The following PTPRE variants were observed in gnomAD, a reference collection of about 807,000 sequenced individuals.
The protein encoded by PTPRE is protein tyrosine phosphatase receptor type E, also known as receptor-type tyrosine-protein phosphatase epsilon.
A neutral mutation model predicts 102.0 loss-of-function variants in PTPRE; 51 were observed. That is an observed-to-expected ratio of 0.50 (90% CI 0.40 to 0.63). The LOEUF (loss-of-function observed/expected upper bound fraction) is 0.63. Among genes scored for constraint, PTPRE ranks in the 30% least tolerant of loss-of-function variants. PTPRE has a pLI of 0.00. For missense variants in PTPRE, 752 were observed against 915.1 expected (o/e 0.82, Z 2.30); for synonymous variants, 345 against 348.2 (o/e 0.99, Z 0.10).
intron 1 of PTPRE, among the ~76,000 whole-genome samples, chr10:127,962,655 G>A (rs1017008887): frequency 2.0e-5 from 3 of 152,224 alleles, no homozygotes; most frequent in South Asian, 2.1e-4. Flanking sequence ...AGTCTAAGCC[G>A]GAGGCCCTCA....
intron 1 of PTPRE, among the ~76,000 whole-genome samples, chr10:127,939,485 C>T (rs561218836): frequency 8.5e-5 from 13 of 152,306 alleles, no homozygotes; most frequent in African/African-American, 3.1e-4. Context: ...ACACAGGATT[C>T]TTCACTGTCG....
At chr10:127,909,585 C>A (rs1438631280) in intron 1 of PTPRE, among the ~76,000 whole-genome samples, 1 of 152,158 alleles carries the variant, frequency 6.6e-6, no homozygotes, top group East Asian at 1.9e-4. Flanking sequence ...TGTGATCTCC[C>A]CTCCCCTTCC....
At position 128,073,461 on chromosome 10, in the gene PTPRE, A is replaced by G. The variant is rs759415692; in HGVS notation, c.1589A>G (p.Glu530Gly). ...HTIVMLTEVQ[E>G]REQDKCYQYW... is the part of the protein sequence containing the mutation. ...ATCGTGATGCTGACGGAGGTGCAGG[A>G]GAGAGAGCAGGTGAGGAGTGCCGCC... The change falls in exon 17 of 21, where the codon GAG becomes GGG. Residue 530 changes from glutamate (E) to glycine (G), a missense_variant. Around this residue, in one of 2 missense-constraint regions of PTPRE, gnomAD observed 636 missense variants for 824.4 expected, o/e 0.77. Transcript: ENST00000254667. The G allele has an allele frequency of 1.2e-6, 2 of 1,613,830 alleles. No homozygotes were observed. The highest frequency in any genetic ancestry group is 1.7e-6 in the Non-Finnish European group (2 of 1,179,902).
intron 2 of PTPRE, chr10:127,999,477 C>T (rs1853648504): frequency 1.1e-6 from 1 of 945,226 alleles, no homozygotes. Flanking sequence ...TCCAACTCGT[C>T]CTGGGAGCAG....
At chr10:128,031,764 A>G (rs1846776799) in intron 2 of PTPRE, among the ~76,000 whole-genome samples, 1 of 152,186 alleles carries the variant, frequency 6.6e-6, no homozygotes, top group Non-Finnish European at 1.5e-5. Context: ...AGACTGAGTA[A>G]GGGGAGAATC....
chr10:128,042,243 C>A (rs1847757378), intron 3 of PTPRE, among the ~76,000 whole-genome samples: 1 of 152,176 alleles, frequency 6.6e-6, no homozygotes, highest in African/African-American at 2.4e-5. Flanking sequence ...CATCCAGGAG[C>A]CACAATGGCA....
intron 1 of PTPRE, among the ~76,000 whole-genome samples, chr10:127,941,253 G>GCC (rs1319933202): frequency 6.6e-6 from 1 of 152,220 alleles, no homozygotes; most frequent in Non-Finnish European, 1.5e-5. Context: ...CTTCCCCTCT[G>GCC]CCTACTCCTT....
At chr10:128,036,974 T>C (rs1362145143) in intron 2 of PTPRE, among the ~76,000 whole-genome samples, 1 of 152,200 alleles carries the variant, frequency 6.6e-6, no homozygotes, top group Non-Finnish European at 1.5e-5. Context: ...AGGGCTCCCT[T>C]TGGAAACTTT....
chr10:127,921,011 T>C (rs1353060202), intron 1 of PTPRE, among the ~76,000 whole-genome samples: 1 of 152,212 alleles, frequency 6.6e-6, no homozygotes, highest in Non-Finnish European at 1.5e-5. Flanking sequence ...GCTTCCTCGG[T>C]GTCTGGGGCT....
chr10:127,987,447 G>A, intron 2 of PTPRE: 3 of 871,640 alleles, frequency 3.4e-6, no homozygotes, highest in Non-Finnish European at 4.7e-6. Flanking sequence ...TTGTGTCATG[G>A]TTGCTTCTAA....
chr10:127,993,837 G>A (rs1852959110), intron 2 of PTPRE, among the ~76,000 whole-genome samples: 1 of 151,820 alleles, frequency 6.6e-6, no homozygotes, highest in African/African-American at 2.4e-5. Context: ...CCAGGCACTA[G>A]GATACTCTCA....
intron 5 of PTPRE, among the ~76,000 whole-genome samples, chr10:128,048,779 T>A (rs116442669): frequency 0.01 from 1,556 of 152,280 alleles, 13 homozygotes; most frequent in African/African-American, 0.036. Flanking sequence ...CTTGGAGGAA[T>A]GAGTCTTGGG....
intron 2 of PTPRE, among the ~76,000 whole-genome samples, chr10:128,026,049 C>T (rs1341689696): frequency 6.6e-6 from 1 of 152,214 alleles, no homozygotes; most frequent in Non-Finnish European, 1.5e-5. Flanking sequence ...CATGTATCTC[C>T]AGAAACCCCA....
intron 1 of PTPRE, among the ~76,000 whole-genome samples, chr10:127,972,623 A>C (rs1185474558): frequency 6.6e-6 from 1 of 152,224 alleles, no homozygotes. Flanking sequence ...CTGGATCATT[A>C]CCATGATGCC....
intron 1 of PTPRE, among the ~76,000 whole-genome samples, chr10:127,911,092 A>G (rs940315647): frequency 3.9e-5 from 6 of 152,048 alleles, no homozygotes; most frequent in Admixed American, 1.3e-4. Flanking sequence ...GGAAAAAAAA[A>G]GAATCAATGA....
intron 3 of PTPRE, among the ~76,000 whole-genome samples, chr10:128,041,706 G>T (rs1414568996): frequency 6.7e-6 from 1 of 150,266 alleles, no homozygotes; most frequent in Non-Finnish European, 1.5e-5. Flanking sequence ...AGATATTGGC[G>T]TCATGGTTAG....
At chr10:128,020,642 C>G (rs1470637896) in intron 2 of PTPRE, among the ~76,000 whole-genome samples, 1 of 152,176 alleles carries the variant, frequency 6.6e-6, no homozygotes, top group South Asian at 2.1e-4. Context: ...TCTGGGCAGC[C>G]CTGCTGGGAA....
intron 1 of PTPRE, among the ~76,000 whole-genome samples, chr10:127,919,537 C>A (rs562307238): frequency 7.4e-4 from 113 of 152,334 alleles, no homozygotes; most frequent in African/African-American, 2.5e-3. Context: ...CCTGTGCCTG[C>A]AACACGGCTT....
chr10:127,987,361 G>A (rs1314190518), intron 2 of PTPRE: 1 of 1,283,958 alleles, frequency 7.8e-7, no homozygotes, highest in Non-Finnish European at 1.0e-6. Context: ...CCAAGGCCAG[G>A]ATGGTTTCCC....
Sources: allele counts gnomAD v4.1 joint callset (sites outside exome capture counted in the v4.1 genomes callset), GRCh38; gene constraint gnomAD v4.1.1; regional missense constraint gnomAD v4.1.1; transcripts MANE v1.5; gene names NCBI Gene and HGNC (gene_info 2026-07-23, HGNC 2026-07-21).